Variants in KRCC1 observed in about 807,000 individuals in gnomAD.
KRCC1 encodes the protein lysine-rich coiled-coil protein 1.
A neutral mutation model predicts 7.4 loss-of-function variants in KRCC1; 3 were observed. That is an observed-to-expected ratio of 0.40 (90% confidence interval 0.18 to 1.04). The LOEUF (loss-of-function observed/expected upper bound fraction) is 1.04, where lower values mean the gene tolerates loss of function less well. Among genes scored for constraint, KRCC1 ranks in the 50% least tolerant of loss-of-function variants. The pLI, the probability that KRCC1 is intolerant of heterozygous loss-of-function variation, is 0.33. For synonymous variants in KRCC1, 102 were observed against 101.6 expected (o/e 1.00, Z -0.02); for missense variants, 277 against 300.9 (o/e 0.92, Z 0.59).
chr2:88,029,372 G>A (rs750695530), intron 3 of KRCC1, among the ~76,000 whole-genome samples: 2 of 152,196 alleles, frequency 1.3e-5, no homozygotes, highest in South Asian at 2.1e-4. Context: ...CTCACCTGAC[G>A]AGAGTACTGT....
At chr2:88,037,637 G>A (rs941245877) in intron 1 of KRCC1, among the ~76,000 whole-genome samples, 2 of 152,032 alleles carry the variant, frequency 1.3e-5, no homozygotes, top group Admixed American at 6.6e-5. Flanking sequence ...TCGAACTCCC[G>A]CGCTCAGGTG....
chr2:88,055,450 T>C (rs1431629750), intron 1 of KRCC1, among the ~76,000 whole-genome samples, 176 bp downstream of exon 1: 1 of 151,686 alleles, frequency 6.6e-6, no homozygotes. Flanking sequence ...AGCCCTGGCG[T>C]CTCTTTCCGG....
intron 1 of KRCC1, among the ~76,000 whole-genome samples, chr2:88,047,284 T>C (rs1282340215): frequency 2.6e-5 from 4 of 152,138 alleles, no homozygotes; most frequent in Non-Finnish European, 5.9e-5. Flanking sequence ...GGCCTTGCTA[T>C]GTTGCCTAGG....
intron 3 of KRCC1, among the ~76,000 whole-genome samples, chr2:88,032,401 C>T (rs1230759065): frequency 6.6e-6 from 1 of 152,080 alleles, no homozygotes; most frequent in African/African-American, 2.4e-5. Flanking sequence ...TGTTGTGTTA[C>T]AACTGTCTAC....
intron 1 of KRCC1, among the ~76,000 whole-genome samples, chr2:88,037,921 T>A (rs918602464): frequency 6.6e-6 from 1 of 152,258 alleles, no homozygotes; most frequent in Non-Finnish European, 1.5e-5. Flanking sequence ...TATACTTCAA[T>A]CTAAAGTTCC....
At chr2:88,038,646 T>C (rs925406310) in intron 1 of KRCC1, among the ~76,000 whole-genome samples, 2 of 152,252 alleles carry the variant, frequency 1.3e-5, no homozygotes, top group African/African-American at 2.4e-5. Context: ...AAAGGTTTAA[T>C]TGACTCACAG....
chr2:88,041,483 C>G (rs1673209398), intron 1 of KRCC1, among the ~76,000 whole-genome samples: 1 of 152,198 alleles, frequency 6.6e-6, no homozygotes, highest in African/African-American at 2.4e-5. Flanking sequence ...TTCCATTCTT[C>G]TATGTGTTTA....
At position 88,028,218 on chromosome 2, in the gene KRCC1, C is replaced by T. The variant is rs537664400; in HGVS notation, c.346G>A (p.Val116Ile). 4.3e-6 allele frequency: 7 copies of T among 1,614,078 alleles called. No homozygotes were observed. Among genetic ancestry groups the T allele is most frequent in the Admixed American group, 3.3e-5 (2 of 60,002 alleles). Residue 116 changes from valine to isoleucine, a missense_variant, in exon 4 of 4, where the codon GTA (valine) becomes ATA (isoleucine). Physicochemically the swap from Val to Ile is conservative, Grantham distance 29. Coordinates refer to ENST00000347055, the MANE Select transcript of KRCC1 (RefSeq NM_016618.3). ...FTRDCFSEKP[V>I]PLNFNQQEYI... The stretch of plus-strand genomic sequence containing the variant: ...TCTTGTTGATTAAAGTTCAGGGGTA[C>T]TGGTTTTTCTGAGAAACAGTCCCTC...
At chr2:88,049,330 G>A (rs1048861393) in intron 1 of KRCC1, among the ~76,000 whole-genome samples, 28 of 152,142 alleles carry the variant, frequency 1.8e-4, no homozygotes, top group Admixed American at 1.0e-3. Context: ...TCAAACATGC[G>A]CCATTCCTTC....
chr2:88,045,706 C>T (rs1558835726), intron 1 of KRCC1, among the ~76,000 whole-genome samples: 2 of 151,268 alleles, frequency 1.3e-5, no homozygotes, highest in Admixed American at 1.3e-4. Context: ...TTTTTTGAGA[C>T]AGAGTCTCAC....
chr2:88,038,705 G>A (rs1215938946), intron 1 of KRCC1, among the ~76,000 whole-genome samples: 4 of 152,238 alleles, frequency 2.6e-5, no homozygotes, highest in South Asian at 2.1e-4. Context: ...ATGGTGGAAG[G>A]TGAAGGGGAA....
At chr2:88,051,547 T>C (rs1673487498) in intron 1 of KRCC1, among the ~76,000 whole-genome samples, 1 of 152,256 alleles carries the variant, frequency 6.6e-6, no homozygotes, top group African/African-American at 2.4e-5. Flanking sequence ...TTTTAGATAG[T>C]GTGACATATC....
intron 1 of KRCC1, among the ~76,000 whole-genome samples, chr2:88,048,644 A>G (rs1263387476): frequency 6.6e-6 from 1 of 152,166 alleles, no homozygotes; most frequent in African/African-American, 2.4e-5. Context: ...TAAAGACAGT[A>G]TTATTTCTTG....
At chr2:88,028,611 C>A (rs1168206155) in intron 3 of KRCC1, 26 bp from the exon 4 acceptor site, 1 of 1,256,902 alleles carries the variant, frequency 8.0e-7, no homozygotes. Context: ...AAAATTCTTA[C>A]CAGATCATCT....
At chr2:88,053,940 C>G (rs936495337) in intron 1 of KRCC1, among the ~76,000 whole-genome samples, 3 of 152,190 alleles carry the variant, frequency 2.0e-5, no homozygotes, top group Non-Finnish European at 2.9e-5. Context: ...TAAGGCAACA[C>G]AGCAAACACT....
chr2:88,048,703 G>A (rs748518519), intron 1 of KRCC1, among the ~76,000 whole-genome samples: 1 of 152,266 alleles, frequency 6.6e-6, no homozygotes, highest in South Asian at 2.1e-4. Context: ...CTGGCTAGGC[G>A]CTCTAGTACA....
At chr2:88,038,255 G>A (rs934229670) in intron 1 of KRCC1, among the ~76,000 whole-genome samples, 4 of 152,130 alleles carry the variant, frequency 2.6e-5, no homozygotes, top group Non-Finnish European at 4.4e-5. Flanking sequence ...GGAGAAGAGG[G>A]AAAAAGACAA....
intron 1 of KRCC1, among the ~76,000 whole-genome samples, chr2:88,038,011 C>A (rs1673127689): frequency 6.6e-6 from 1 of 152,194 alleles, no homozygotes; most frequent in Non-Finnish European, 1.5e-5. Context: ...ATTGTACTTT[C>A]TACACGGCAG....
intron 1 of KRCC1, among the ~76,000 whole-genome samples, chr2:88,054,273 CTTTTGA>C: frequency 6.6e-6 from 1 of 152,316 alleles, no homozygotes; most frequent in East Asian, 1.9e-4. Context: ...ATCCAGCCCT[CTTTTGA>C]GCTCCTGTTG....
Sources: allele counts gnomAD v4.1 joint callset (sites outside exome capture counted in the v4.1 genomes callset), GRCh38; gene constraint gnomAD v4.1.1; transcripts MANE v1.5; gene names NCBI Gene and HGNC (gene_info 2026-07-23, HGNC 2026-07-21).